The following BTD variants were observed in gnomAD, a reference collection of about 807,000 sequenced individuals.
BTD encodes the protein biotinidase.
A neutral mutation model predicts 17.7 loss-of-function variants in BTD; 13 were observed. The observed-to-expected ratio is 0.74, with a 90% CI of 0.48 to 1.17. The LOEUF (loss-of-function observed/expected upper bound fraction) is 1.17. Ranked by LOEUF, BTD falls within the 50% of genes most tolerant of loss-of-function variation. The pLI is 0.00. For synonymous variants in BTD, 240 were observed against 245.2 expected (o/e 0.98, Z 0.20); for missense variants, 674 against 650.4 (o/e 1.04, Z -0.39).
chr3:15,689,747 T>A (rs1463487433), intron 3 of BTD: 1 of 298,512 alleles, frequency 3.3e-6, no homozygotes, highest in Non-Finnish European at 6.2e-6. Flanking sequence ...TATATGAATA[T>A]TTTTTGTGCT....
intron 1 of BTD, among the ~76,000 whole-genome samples, chr3:15,610,130 A>T (rs935043167): frequency 1.3e-5 from 2 of 152,202 alleles, no homozygotes; most frequent in African/African-American, 4.8e-5. Context: ...TTTAACATAT[A>T]TTCCTATGAG....
At chr3:15,613,646 C>A (rs2064702523) in intron 1 of BTD, among the ~76,000 whole-genome samples, 1 of 151,828 alleles carries the variant, frequency 6.6e-6, no homozygotes, top group African/African-American at 2.4e-5. Flanking sequence ...TCACTCGTGG[C>A]AGAATGTTTT....
At chr3:15,658,984 G>C (rs557416020) in intron 3 of BTD, among the ~76,000 whole-genome samples, 2 of 152,146 alleles carry the variant, frequency 1.3e-5, no homozygotes, top group East Asian at 3.9e-4. Context: ...GCCTCCCACT[G>C]ATCACAGGGG....
chr3:15,685,363 G>A (rs758981755), intron 3 of BTD: 19 of 1,613,878 alleles, frequency 1.2e-5, no homozygotes, highest in Admixed American at 1.0e-4. Flanking sequence ...GTGTATAGGC[G>A]TCCGGCCCCT....
At chr3:15,642,308 A>G (rs981239187) in intron 3 of BTD, 45 of 1,388,974 alleles carry the variant, frequency 3.2e-5, no homozygotes, top group South Asian at 4.9e-5. Flanking sequence ...GTATACTTAA[A>G]CCAAACCAAA....
At chr3:15,704,920 C>G (rs563591393) in intron 3 of BTD, among the ~76,000 whole-genome samples, 1 of 152,274 alleles carries the variant, frequency 6.6e-6, no homozygotes, top group East Asian at 1.9e-4. Flanking sequence ...GAAACAGAGG[C>G]TCCCATTAAC....
Position 15,645,365 on chromosome 3 carries a change from G to A in BTD, c.1449G>A (p.Gly483=), listed in dbSNP as rs1350762185. Residue 483 remains glycine, a synonymous_variant, in exon 4 of 4, where the codon GGG becomes GGA. Transcript: ENST00000643237. ...SYIFPLFLTS[G]MTLEVPDQLG... is the part of the protein sequence containing the mutation. ...TCTTTCCTTTGTTTCTGACCTCAGG[G>A]ATGACCCTAGAAGTCCCTGACCAGC... is the stretch of plus-strand genomic sequence containing the variant. 6.2e-7 allele frequency: 1 copy of A among 1,614,144 alleles called. No individual in the cohort carries two copies. The highest frequency in any genetic ancestry group is 1.3e-5 in the African/African-American group (1 of 75,050).
chr3:15,694,541 G>A (rs1420726794), intron 3 of BTD, among the ~76,000 whole-genome samples: 79 of 144,362 alleles, frequency 5.5e-4, no homozygotes, highest in Middle Eastern at 3.7e-3. Flanking sequence ...TCTAAAGCAA[G>A]AAACAGAAAA....
At chr3:15,620,322 TC>T (rs1332095959) in intron 1 of BTD, among the ~76,000 whole-genome samples, 2 of 151,852 alleles carry the variant, frequency 1.3e-5, no homozygotes, top group East Asian at 3.9e-4. Context: ...TTTATAGACC[TC>T]CCCCCAGGAG....
intron 1 of BTD, among the ~76,000 whole-genome samples, chr3:15,604,711 C>T (rs1012699230): frequency 1.3e-5 from 2 of 152,144 alleles, no homozygotes; most frequent in African/African-American, 4.8e-5. Context: ...TTTCTTCTGC[C>T]AGATACCCTA....
chr3:15,682,785 G>A (rs2067677454), intron 3 of BTD, among the ~76,000 whole-genome samples: 1 of 152,042 alleles, frequency 6.6e-6, no homozygotes, highest in Admixed American at 6.5e-5. Flanking sequence ...ATTATAAAAC[G>A]GGCTTTTGGC....
At position 15,633,360 on chromosome 3, in the gene BTD, C is replaced by G. The variant is rs193287147; in HGVS notation, c.-16-2064C>G. ...GCTTGGTTCTTTCAAGCATGAATAC[C>G]TGGTTGAATCTGCATAACCTCTTAT... On this transcript the variant is annotated intron_variant, in intron 1 of 3. Coordinates refer to ENST00000643237, the MANE Select transcript of BTD (RefSeq NM_001370658.1). Among the ~76,000 whole-genome samples, 304 of 152,246 alleles carry G rather than the reference C, an allele frequency of 2.0e-3. 2 individuals carry two copies. Among genetic ancestry groups the G allele is most frequent in the Non-Finnish European group, 3.6e-3 (246 of 68,006 alleles).
intron 1 of BTD, among the ~76,000 whole-genome samples, chr3:15,617,845 A>G (rs1054360893): frequency 6.6e-6 from 1 of 152,174 alleles, no homozygotes; most frequent in Non-Finnish European, 1.5e-5. Context: ...TGTTGTCTTG[A>G]TTACTACAGT....
intron 2 of BTD, among the ~76,000 whole-genome samples, chr3:15,636,970 G>A (rs1230597383): frequency 1.3e-5 from 2 of 152,040 alleles, no homozygotes; most frequent in African/African-American, 2.4e-5. Context: ...TCACAGGTCC[G>A]TTTGTTCCAA....
intron 1 of BTD, chr3:15,602,216 G>A (rs993534717): frequency 4.4e-6 from 6 of 1,361,814 alleles, no homozygotes; most frequent in Non-Finnish European, 5.7e-6. Context: ...GACGCTCAGA[G>A]TCAGTAGATC....
At chr3:15,719,455 C>A (rs2455840) in intron 4 of BTD, among the ~76,000 whole-genome samples, 102,312 of 152,050 alleles carry the variant, frequency 0.67, 34,956 homozygotes, top group East Asian at 0.93. Flanking sequence ...AAACAACTAA[C>A]GAATTCTAAA....
rs1384470623 is a variant in BTD, at chr3:15,645,211, C to T, written c.1295C>T (p.Thr432Ile). 1.2e-6 allele frequency: 2 copies of T among 1,614,070 alleles called. No homozygotes were observed. Among genetic ancestry groups the T allele is most frequent in the Non-Finnish European group, 1.7e-6 (2 of 1,180,038 alleles). ...VFDGLHTVHG[T>I]YYIQVCALVR... ...GATGGGCTTCACACAGTACATGGCA[C>T]TTACTACATCCAAGTGTGTGCCCTG... The change falls in exon 4 of 4, where the codon ACT (threonine) becomes ATT (isoleucine). Residue 432 changes from threonine (T) to isoleucine (I), a missense_variant. Coordinates refer to ENST00000643237, the MANE Select transcript of BTD (RefSeq NM_001370658.1).
At position 15,649,831 on chromosome 3, in the gene BTD, G is replaced by A. The variant is rs893434271; in HGVS notation, c.*4343G>A. Among the ~76,000 whole-genome samples the A allele has an allele frequency of 6.6e-6, 1 of 152,160 alleles. No homozygotes were observed. Among genetic ancestry groups the A allele is most frequent in the African/African-American group, 2.4e-5 (1 of 41,426 alleles). The stretch of plus-strand genomic sequence containing the variant: ...TGAACTATTTATCTGAGTTCCCTCT[G>A]CCGGAACATGAGCCATGCCTAGAGT... On this transcript the variant is annotated 3_prime_UTR_variant, in exon 4 of 4. Coordinates refer to ENST00000643237, the MANE Select transcript of BTD (RefSeq NM_001370658.1).
Position 15,635,482 on chromosome 3 carries a change from T to G in BTD, c.43T>G (p.Cys15Gly). 6.2e-7 allele frequency: 1 copy of G among 1,613,416 alleles called. No individual in the cohort carries two copies. Among genetic ancestry groups the G allele is most frequent in the Non-Finnish European group, 8.5e-7 (1 of 1,179,412 alleles). ...RSKLALFLCG[C>G]YVVALGAHTG... ...TAAGCTTGCTCTTTTCCTCTGCGGC[T>G]GTTACGTGGTTGCCCTGGGAGCCCA... The change falls in exon 2 of 4, where the codon TGT becomes GGT. Residue 15 changes from cysteine to glycine, a missense_variant. Transcript: ENST00000643237. This position sits in a 1 kb window ranked among gnomAD's most constrained non-coding sequence, Gnocchi z 4.1.
Sources: allele counts gnomAD v4.1 joint callset (sites outside exome capture counted in the v4.1 genomes callset), GRCh38; gene constraint gnomAD v4.1.1; non-coding constraint Gnocchi (gnomAD v3.1); transcripts MANE v1.5; gene names NCBI Gene and HGNC (gene_info 2026-07-23, HGNC 2026-07-21).